SLC2A13: variants seen among roughly 807,000 people sequenced by gnomAD.
SLC2A13 encodes the protein proton myo-inositol cotransporter.
A neutral mutation model predicts 64.4 loss-of-function variants in SLC2A13; 32 were observed. The observed-to-expected ratio is 0.50, with a 90% confidence interval of 0.37 to 0.67. The LOEUF is 0.67. Ranked by LOEUF, SLC2A13 falls within the 30% of genes least tolerant of loss-of-function variation. SLC2A13 has a pLI of 0.00. For missense variants in SLC2A13, 743 were observed against 829.2 expected, an observed-to-expected ratio of 0.90 and a Z score of 1.28; for synonymous variants, 338 against 327.1, an observed-to-expected ratio of 1.03 and a Z score of -0.36.
At chr12:39,983,213 A>G (rs1049044320) in intron 3 of SLC2A13, among the ~76,000 whole-genome samples, 2 of 148,818 alleles carry the variant, frequency 1.3e-5, no homozygotes, top group African/African-American at 2.5e-5. Flanking sequence ...TAGACCTAAA[A>G]CCATAAAAAC....
intron 1 of SLC2A13, among the ~76,000 whole-genome samples, chr12:40,090,763 T>G (rs1031691609): frequency 7.9e-5 from 12 of 152,152 alleles, no homozygotes; most frequent in African/African-American, 2.9e-4. Flanking sequence ...GTTATAAACC[T>G]TTTTTTAAAC....
At chr12:40,064,777 A>C (rs1026326943) in intron 1 of SLC2A13, among the ~76,000 whole-genome samples, 5 of 152,192 alleles carry the variant, frequency 3.3e-5, no homozygotes, top group Non-Finnish European at 7.4e-5. Context: ...CAACAGCAAA[A>C]ATCACAGTGA....
intron 3 of SLC2A13, among the ~76,000 whole-genome samples, chr12:40,005,836 G>A (rs1000617775): frequency 1.3e-5 from 2 of 152,234 alleles, no homozygotes; most frequent in African/African-American, 2.4e-5. Flanking sequence ...TCAAGCCCCC[G>A]TGGATACCAA....
At chr12:39,855,183 T>C (rs991356153) in intron 6 of SLC2A13, among the ~76,000 whole-genome samples, 1 of 152,238 alleles carries the variant, frequency 6.6e-6, no homozygotes, top group Non-Finnish European at 1.5e-5. Context: ...TGTTACTTAA[T>C]GTGTTAATAA....
intron 2 of SLC2A13, among the ~76,000 whole-genome samples, chr12:40,047,363 AG>A (rs1404719253): frequency 6.6e-6 from 1 of 152,218 alleles, no homozygotes; most frequent in African/African-American, 2.4e-5. Flanking sequence ...CAAGAAAACA[AG>A]ATAGGCAATA....
rs28370827 is a variant in SLC2A13, at chr12:40,010,680, A to G, written c.925+17621T>C. On this transcript the variant is annotated intron_variant, in intron 3 of 9. Transcript: ENST00000280871. ...TGACATCTTTATTGAATCTTTCCAA[A>G]ACATTCAACTTAGGTTTTCACTGAA... Among the ~76,000 whole-genome samples the G allele has an allele frequency of 1.6e-3, 245 of 152,316 alleles. 4 individuals are homozygous for G. In the East Asian group the frequency reaches 0.043, roughly 27 times the overall value.
intron 3 of SLC2A13, among the ~76,000 whole-genome samples, chr12:39,964,516 A>G (rs976471021): frequency 6.6e-6 from 1 of 152,222 alleles, no homozygotes; most frequent in African/African-American, 2.4e-5. Context: ...TGTAAATGCT[A>G]TGGGAAAAGG....
Position 39,951,354 on chromosome 12 carries a change from T to A in SLC2A13, c.937A>T (p.Ile313Phe). The A allele has an allele frequency of 6.3e-7, 1 of 1,576,770 alleles. No homozygotes were observed. The highest frequency in any genetic ancestry group is 1.2e-5 in the South Asian group (1 of 83,070). ...EKEVGSAGPVICRMLSYPPTR... is the reference protein window; with the variant it reads ...EKEVGSAGPVFCRMLSYPPTR... ...GGGGGATAACTCAGCATTCTGCAGA[T>A]CACAGGTCCAGCTTTTTTAAGAAAG... Residue 313 changes from isoleucine (I) to phenylalanine (F), a missense_variant, in exon 4 of 10, where the codon ATC (isoleucine) becomes TTC (phenylalanine). This residue lies in a region of SLC2A13 where 448 missense variants were observed against 447.4 expected (regional missense o/e 1.00). Coordinates refer to ENST00000280871, the MANE Select transcript of SLC2A13 (RefSeq NM_052885.4).
Position 39,755,548 on chromosome 12 carries a change from T to C in SLC2A13, c.*4478A>G, listed in dbSNP as rs1207219777. On this transcript the variant is annotated 3_prime_UTR_variant, in exon 10 of 10. Coordinates refer to ENST00000280871, the MANE Select transcript of SLC2A13 (RefSeq NM_052885.4). The stretch of plus-strand genomic sequence containing the variant: ...GTAGAATATAAATTTCTACTTTGGC[T>C]AGAGTTGTCTCTTCTTTTTTAACCT... The C allele has an allele frequency of 1.3e-5, 2 of 152,106 alleles. No homozygotes were observed. Among genetic ancestry groups the C allele is most frequent in the Non-Finnish European group, 2.9e-5 (2 of 67,892 alleles). The allele number at this position is 152,106 out of a possible 1,614,324, so 9.4% of individuals were successfully genotyped here.
At chr12:40,053,576 A>G (rs1050351011) in intron 1 of SLC2A13, among the ~76,000 whole-genome samples, 1 of 152,168 alleles carries the variant, frequency 6.6e-6, no homozygotes, top group Non-Finnish European at 1.5e-5. Flanking sequence ...TTCTAGGGGC[A>G]AAAGAGTCTT....
At chr12:39,831,296 T>C (rs2135850653) in intron 6 of SLC2A13, among the ~76,000 whole-genome samples, 1 of 152,166 alleles carries the variant, frequency 6.6e-6, no homozygotes, top group East Asian at 1.9e-4. Flanking sequence ...TGAAACCGAA[T>C]CATAAAATAA....
At chr12:39,784,684 A>G (rs1355689560) in intron 7 of SLC2A13, among the ~76,000 whole-genome samples, 2 of 152,250 alleles carry the variant, frequency 1.3e-5, no homozygotes, top group Non-Finnish European at 2.9e-5. Context: ...TCATGACTAA[A>G]ACACCAAAAG....
chr12:39,780,717 A>C (rs929897119), intron 7 of SLC2A13, among the ~76,000 whole-genome samples: 3 of 152,228 alleles, frequency 2.0e-5, no homozygotes, highest in African/African-American at 2.4e-5. Flanking sequence ...TATTACAAGG[A>C]GAACAGTCAT....
At chr12:39,937,008 G>C (rs1945928802) in intron 4 of SLC2A13, among the ~76,000 whole-genome samples, 1 of 152,158 alleles carries the variant, frequency 6.6e-6, no homozygotes, top group Non-Finnish European at 1.5e-5. Flanking sequence ...GACTTGGACA[G>C]CACCACCATT....
intron 4 of SLC2A13, among the ~76,000 whole-genome samples, chr12:39,920,193 A>C (rs1242186685): frequency 6.6e-6 from 1 of 152,142 alleles, no homozygotes; most frequent in Non-Finnish European, 1.5e-5. Flanking sequence ...GTATATGTGT[A>C]TGTGTGCATG....
rs567160919 is a variant in SLC2A13, at chr12:40,060,643, C to A, written c.557-12433G>T. ...TGACTTTTCAACAGTAACAATGGAA[C>A]CCAGAAAACAGTAAAATAGTATCCT... On this transcript the variant is annotated intron_variant, in intron 1 of 9. Coordinates refer to ENST00000280871, the MANE Select transcript of SLC2A13 (RefSeq NM_052885.4). Among the ~76,000 whole-genome samples, 7 of 152,192 alleles carry A rather than the reference C, an allele frequency of 4.6e-5. No homozygotes were observed. In the South Asian group the frequency reaches 1.5e-3, roughly 32 times the overall value.
At chr12:39,882,857 G>A (rs950642436) in intron 4 of SLC2A13, among the ~76,000 whole-genome samples, 1 of 152,030 alleles carries the variant, frequency 6.6e-6, no homozygotes, top group African/African-American at 2.4e-5. Flanking sequence ...ACACCACTTT[G>A]TTTCTGGTAC....
At chr12:40,095,017 C>G (rs966932335) in intron 1 of SLC2A13, among the ~76,000 whole-genome samples, 2 of 152,160 alleles carry the variant, frequency 1.3e-5, no homozygotes, top group African/African-American at 4.8e-5. Flanking sequence ...AGCTCTCATT[C>G]TCAGCCATAA....
chr12:40,058,080 GAT>G (rs1180508034), intron 1 of SLC2A13, among the ~76,000 whole-genome samples: 3 of 151,040 alleles, frequency 2.0e-5, no homozygotes, highest in Non-Finnish European at 4.4e-5. Context: ...TAGATAGATA[GAT>G]AGATAGATTG....
Sources: allele counts gnomAD v4.1 joint callset (sites outside exome capture counted in the v4.1 genomes callset), GRCh38; gene constraint gnomAD v4.1.1; regional missense constraint gnomAD v4.1.1; transcripts MANE v1.5; gene names NCBI Gene and HGNC (gene_info 2026-07-23, HGNC 2026-07-21).